Variants in DCSTAMP observed in about 807,000 individuals in gnomAD.
The protein encoded by DCSTAMP is dendrocyte expressed seven transmembrane protein.
Under a neutral mutation model 33.8 loss-of-function variants are expected in DCSTAMP, and 25 were observed. That is an observed-to-expected ratio of 0.74 (90% CI 0.54 to 1.03). The LOEUF (loss-of-function observed/expected upper bound fraction) is 1.03, where lower values mean the gene tolerates loss of function less well. DCSTAMP is among the 50% of genes least tolerant of loss of function. DCSTAMP has a pLI of 0.00. For synonymous variants in DCSTAMP, 245 were observed against 216.7 expected (o/e 1.13, Z -1.15); for missense variants, 531 against 556.8 (o/e 0.95, Z 0.47).
At chr8:104,353,500 AT>A (rs1246298879) in intron 2 of DCSTAMP, among the ~76,000 whole-genome samples, 1 of 152,124 alleles carries the variant, frequency 6.6e-6, no homozygotes, top group Non-Finnish European at 1.5e-5. Flanking sequence ...CTCAATCGAT[AT>A]GTTTGTTTCT....
chr8:104,342,876 T>C (rs2099383182), intron 1 of DCSTAMP, among the ~76,000 whole-genome samples: 1 of 152,220 alleles, frequency 6.6e-6, no homozygotes, highest in Non-Finnish European at 1.5e-5. Flanking sequence ...ACGCTGGCTG[T>C]AACAGTCTCT....
rs1289137918 is a variant in DCSTAMP at position 104,356,315 on chromosome 8, TGAG to T, written c.*118_*120del. 3 of 1,026,124 alleles carry T rather than the reference TGAG, an allele frequency of 2.9e-6. No homozygotes were observed. In the East Asian group the frequency reaches 9.5e-5, roughly 33 times the overall value. 63.6% of individuals were successfully genotyped at this position (1,026,124 alleles called of 1,614,324 possible). Reference sequence around the variant, plus strand: ...ATGTGACGCAGTCCTCTCAGGAGTCTGAGTTTACAGAGCCAACTTGCAGCACCT... The same window carrying T: ...ATGTGACGCAGTCCTCTCAGGAGTCTTTTACAGAGCCAACTTGCAGCACCT... On this transcript the variant is annotated 3_prime_UTR_variant, in exon 4 of 4. Transcript: ENST00000297581.
At chr8:104,347,651 G>A (rs1344787613) in intron 1 of DCSTAMP, among the ~76,000 whole-genome samples, 1 of 152,152 alleles carries the variant, frequency 6.6e-6, no homozygotes, top group African/African-American at 2.4e-5. Flanking sequence ...AGAACCAGCT[G>A]GTCTAGGATG....
At position 104,348,916 on chromosome 8, in the gene DCSTAMP, C is replaced by T. The variant is rs531455192; in HGVS notation, c.364C>T (p.Leu122=). ...TATTTTTCACAACTTTAAAGGTCTCCTAGATGGTATGACTTGCAACCTAAG... is the reference window on the plus strand; with the variant it reads ...TATTTTTCACAACTTTAAAGGTCTCTTAGATGGTATGACTTGCAACCTAAG... ...ENIFHNFKGL[L]DGMTCNLRAK... The change falls in exon 2 of 4, where the codon CTA becomes TTA. Residue 122 remains leucine, a synonymous_variant. Coordinates refer to ENST00000297581, the MANE Select transcript of DCSTAMP (RefSeq NM_030788.4). 54 of 1,614,204 alleles carry T rather than the reference C, an allele frequency of 3.3e-5. No individual in the cohort carries two copies. The highest frequency in any genetic ancestry group is 4.3e-5 in the Non-Finnish European group (51 of 1,180,042).
chr8:104,355,689 A>C lies in DCSTAMP; in HGVS notation c.1339-435A>C, dbSNP rs75096274. On this transcript the variant is annotated intron_variant, in intron 3 of 3. Coordinates refer to ENST00000297581, the MANE Select transcript of DCSTAMP (RefSeq NM_030788.4). ...CATACATAAAATGGACATATATCAAAAATTTTACGTAATTTAATACATATT... is the reference window on the plus strand; with the variant it reads ...CATACATAAAATGGACATATATCAACAATTTTACGTAATTTAATACATATT... Among the ~76,000 whole-genome samples, 73 of 152,346 alleles carry C rather than the reference A, an allele frequency of 4.8e-4. No homozygotes were observed. In the East Asian group the frequency reaches 0.01, roughly 21 times the overall value.
At position 104,349,095 on chromosome 8, in the gene DCSTAMP, C is replaced by T. The variant is rs1183389574; in HGVS notation, c.543C>T (p.Val181=). The T allele has an allele frequency of 3.1e-6, 5 of 1,614,024 alleles. No individual in the cohort carries two copies. Among genetic ancestry groups the T allele is most frequent in the East Asian group, 2.2e-5 (1 of 44,892 alleles). ...LAVSLFSPSH[V]LEAQLNDSKG... ...TCTCTCTTTTCAGTCCCAGCCATGT[C>T]CTGGAGGCACAGCTAAATGACAGCA... The change falls in exon 2 of 4, where the codon GTC becomes GTT. Residue 181 remains valine, a synonymous_variant. Coordinates refer to ENST00000297581, the MANE Select transcript of DCSTAMP (RefSeq NM_030788.4).
chr8:104,344,201 G>T (rs1588369774), intron 1 of DCSTAMP, among the ~76,000 whole-genome samples: 1 of 151,960 alleles, frequency 6.6e-6, no homozygotes, highest in South Asian at 2.1e-4. Context: ...ATCTGGACTT[G>T]TGCTATCCAA....
intron 1 of DCSTAMP, among the ~76,000 whole-genome samples, chr8:104,343,641 C>T (rs2099383352): frequency 6.6e-6 from 1 of 152,218 alleles, no homozygotes; most frequent in Non-Finnish European, 1.5e-5. Flanking sequence ...ACTGCCTCAC[C>T]ATTGTCTAAG....
intron 1 of DCSTAMP, among the ~76,000 whole-genome samples, chr8:104,343,523 T>C (rs2140467311): frequency 6.6e-6 from 1 of 152,316 alleles, no homozygotes. Context: ...CCAGTGTGGC[T>C]GTATTTGGAA....
At chr8:104,354,831 G>C (rs372591270) in intron 2 of DCSTAMP, 46 bp from the exon 3 acceptor site, 1 of 1,305,422 alleles carries the variant, frequency 7.7e-7, no homozygotes, top group Non-Finnish European at 1.1e-6. Context: ...CAAGAACTGA[G>C]TACAAAAATG....
intron 2 of DCSTAMP, among the ~76,000 whole-genome samples, chr8:104,352,863 C>T (rs1810503945): frequency 6.6e-6 from 1 of 152,292 alleles, no homozygotes; most frequent in Admixed American, 6.5e-5. Context: ...GTCTGGGAGA[C>T]TGTGCTGCCA....
rs553658466 is a variant in DCSTAMP at position 104,345,822 on chromosome 8, G to T, written c.-12-2719G>T. ...TCTGATTTCCTTTAAAGAAGAATCT[G>T]CTAGTTTGAGAGATATCCTTACAGA... On this transcript the variant is annotated intron_variant, in intron 1 of 3. Transcript: ENST00000297581. 5.3e-5 allele frequency among the ~76,000 whole-genome samples: 8 copies of T among 152,334 alleles called. No homozygotes were observed. The South Asian group carries it at 1.7e-3, about 32-fold the overall frequency.
intron 1 of DCSTAMP, among the ~76,000 whole-genome samples, chr8:104,344,315 ATAAT>A (rs1353839856): frequency 6.6e-6 from 1 of 152,024 alleles, no homozygotes; most frequent in Non-Finnish European, 1.5e-5. Context: ...ATTAAATATC[ATAAT>A]TAAATAAAAT....
At position 104,348,502 on chromosome 8, in the gene DCSTAMP, A is replaced by G. The variant is rs758461696; in HGVS notation, c.-12-39A>G. On this transcript the variant is annotated intron_variant, in intron 1 of 3. Coordinates refer to ENST00000297581, the MANE Select transcript of DCSTAMP (RefSeq NM_030788.4). Reference sequence around the variant, plus strand: ...CCTTTACGAAGGTCAGAGGACATTCAAAAGTAATTTCTGACCTTGGTTTCT... The same window carrying G: ...CCTTTACGAAGGTCAGAGGACATTCGAAAGTAATTTCTGACCTTGGTTTCT... 15 of 1,570,618 alleles carry G rather than the reference A, an allele frequency of 9.6e-6. 1 individual carries two copies. The South Asian group carries it at 1.7e-4, about 18-fold the overall frequency.
chr8:104,349,987 T>G (rs1191408093), intron 2 of DCSTAMP, among the ~76,000 whole-genome samples: 1 of 152,202 alleles, frequency 6.6e-6, no homozygotes, highest in Non-Finnish European at 1.5e-5. Flanking sequence ...CACTCCCGTC[T>G]CTGCTCTGTC....
chr8:104,345,503 GATA>G (rs1331865436), intron 1 of DCSTAMP, among the ~76,000 whole-genome samples: 4 of 152,128 alleles, frequency 2.6e-5, no homozygotes, highest in Admixed American at 6.5e-5. Flanking sequence ...AAATAAGAAG[GATA>G]ATATTAGAGC....
chr8:104,348,846 G>A lies in DCSTAMP; in HGVS notation c.294G>A (p.Leu98=), dbSNP rs763903031. ...SCGLREGRNA[L]IAAGTGIVIL... ...GCCTGCGTGAAGGCAGGAATGCTTT[G>A]ATTGCAGCTGGCACAGGGATCGTCA... The change falls in exon 2 of 4, where the codon TTG becomes TTA. Residue 98 remains leucine (L), a synonymous_variant. Transcript: ENST00000297581. 1 of 1,614,146 alleles carries A rather than the reference G, an allele frequency of 6.2e-7. No individual in the cohort carries two copies.
At chr8:104,341,615 C>T (rs771339618) in intron 1 of DCSTAMP, among the ~76,000 whole-genome samples, 3 of 152,232 alleles carry the variant, frequency 2.0e-5, no homozygotes, top group Non-Finnish European at 2.9e-5. Context: ...AACAGCTTGG[C>T]CCTGCATGAA....
chr8:104,349,751 A>C (rs1468779910), intron 2 of DCSTAMP, among the ~76,000 whole-genome samples, 170 bp downstream of exon 2: 1 of 152,194 alleles, frequency 6.6e-6, no homozygotes, highest in East Asian at 1.9e-4. Context: ...GGTCAAATTG[A>C]ATCGAAGTCC....
Sources: allele counts gnomAD v4.1 joint callset (sites outside exome capture counted in the v4.1 genomes callset), GRCh38; gene constraint gnomAD v4.1.1; transcripts MANE v1.5; gene names NCBI Gene and HGNC (gene_info 2026-07-23, HGNC 2026-07-21).